The following PAPPA2 variants were observed in gnomAD, a reference collection of about 807,000 sequenced individuals.
PAPPA2 encodes the protein pappalysin-2.
In PAPPA2, 86 loss-of-function variants were observed where a neutral mutation model predicts 176.4. The ratio of observed to expected loss-of-function variants is 0.49; its 90% CI spans 0.41 to 0.58. The LOEUF (loss-of-function observed/expected upper bound fraction) is 0.58, where lower values mean the gene tolerates loss of function less well. Among genes scored for constraint, PAPPA2 ranks in the 20% least tolerant of loss-of-function variants. The pLI is 0.00. For missense variants in PAPPA2, 2,073 were observed against 2,256.9 expected (o/e 0.92, Z 1.65); for synonymous variants, 809 against 852.2 (o/e 0.95, Z 0.88).
intron 3 of PAPPA2, among the ~76,000 whole-genome samples, chr1:176,666,786 G>A (rs1421459897): frequency 1.3e-5 from 2 of 152,096 alleles, no homozygotes; most frequent in Non-Finnish European, 2.9e-5. Context: ...AATTACCCCT[G>A]GAGAGGAGAT....
chr1:176,575,967 T>C (rs1422483358), intron 2 of PAPPA2, among the ~76,000 whole-genome samples: 1 of 152,194 alleles, frequency 6.6e-6, no homozygotes, highest in African/African-American at 2.4e-5. Context: ...TCTTCTCAGG[T>C]GTGATTTTTT....
At chr1:176,766,573 GTTA>G (rs1359078975) in intron 15 of PAPPA2, among the ~76,000 whole-genome samples, 1 of 152,144 alleles carries the variant, frequency 6.6e-6, no homozygotes, top group African/African-American at 2.4e-5. Context: ...ATCTGATTGA[GTTA>G]TTATGATGGC....
intron 3 of PAPPA2, among the ~76,000 whole-genome samples, chr1:176,605,173 A>G (rs1327383434): frequency 2.0e-5 from 3 of 152,218 alleles, no homozygotes; most frequent in Non-Finnish European, 2.9e-5. Flanking sequence ...GCCAGGAAGT[A>G]TTAATAACAT....
At chr1:176,541,243 T>A (rs1325997212) in intron 1 of PAPPA2, among the ~76,000 whole-genome samples, 1 of 152,236 alleles carries the variant, frequency 6.6e-6, no homozygotes, top group African/African-American at 2.4e-5. Context: ...CATACAGAGA[T>A]GCAGTTAGAG....
intron 21 of PAPPA2, among the ~76,000 whole-genome samples, chr1:176,834,894 C>T (rs1667213593): frequency 6.6e-6 from 1 of 152,144 alleles, no homozygotes; most frequent in Non-Finnish European, 1.5e-5. Flanking sequence ...TCGCTTGAAC[C>T]TAAGAGACGG....
At chr1:176,625,424 T>C (rs536553847) in intron 3 of PAPPA2, among the ~76,000 whole-genome samples, 150 of 152,296 alleles carry the variant, frequency 9.8e-4, no homozygotes, top group Non-Finnish European at 1.5e-3. Flanking sequence ...TGGTGCCTAA[T>C]ACTCTGCCCG....
At chr1:176,530,688 C>G (rs531014511) in intron 1 of PAPPA2, among the ~76,000 whole-genome samples, 1 of 152,210 alleles carries the variant, frequency 6.6e-6, no homozygotes, top group Non-Finnish European at 1.5e-5. Flanking sequence ...GCAACATCCA[C>G]CAAATAGCTC....
intron 2 of PAPPA2, among the ~76,000 whole-genome samples, chr1:176,586,365 G>T (rs1342506829): frequency 6.6e-6 from 1 of 152,028 alleles, no homozygotes; most frequent in Admixed American, 6.6e-5. Context: ...TGCAGAATGT[G>T]CAGGTTTGTT....
At chr1:176,823,375 G>A (rs1666736253) in intron 21 of PAPPA2, among the ~76,000 whole-genome samples, 1 of 152,134 alleles carries the variant, frequency 6.6e-6, no homozygotes. Flanking sequence ...AATGACTCAA[G>A]GTTAAAGAGG....
intron 3 of PAPPA2, among the ~76,000 whole-genome samples, chr1:176,638,939 C>CGTGTGTGT (rs34264749): frequency 0.02 from 2,862 of 143,106 alleles, 45 homozygotes; most frequent in South Asian, 0.049. Context: ...TGTGCATGTG[C>CGTGTGTGT]GTGTGTGTGT....
intron 3 of PAPPA2, among the ~76,000 whole-genome samples, chr1:176,602,295 C>T (rs240104): frequency 0.18 from 27,046 of 152,116 alleles, 2,997 homozygotes; most frequent in Non-Finnish European, 0.24. Context: ...TTGCCCATGG[C>T]ACACTCCCCT....
intron 3 of PAPPA2, chr1:176,616,535 T>C: frequency 1.5e-6 from 2 of 1,303,778 alleles, no homozygotes; most frequent in Non-Finnish European, 2.2e-6. Flanking sequence ...TTACAAAATG[T>C]AACCAATCAG....
chr1:176,681,928 A>G (rs1002435462), intron 4 of PAPPA2, among the ~76,000 whole-genome samples: 9 of 152,140 alleles, frequency 5.9e-5, no homozygotes, highest in African/African-American at 2.2e-4. Context: ...AGTAGCTCTC[A>G]CAGGGTTGGT....
intron 1 of PAPPA2, among the ~76,000 whole-genome samples, chr1:176,489,776 C>T (rs1290502979): frequency 6.6e-6 from 1 of 152,164 alleles, no homozygotes; most frequent in African/African-American, 2.4e-5. Context: ...GTAATTTGAG[C>T]TTTATATTGA....
chr1:176,778,735 C>T (rs1353544658), intron 17 of PAPPA2, among the ~76,000 whole-genome samples: 1 of 152,174 alleles, frequency 6.6e-6, no homozygotes, highest in African/African-American at 2.4e-5. Flanking sequence ...AAAGAACACA[C>T]ATTAATCTCT....
At chr1:176,547,799 C>G (rs1221860862) in intron 1 of PAPPA2, among the ~76,000 whole-genome samples, 1 of 152,134 alleles carries the variant, frequency 6.6e-6, no homozygotes, top group Non-Finnish European at 1.5e-5. Flanking sequence ...GATAAAATAT[C>G]CCCTGGGAGG....
intron 20 of PAPPA2, among the ~76,000 whole-genome samples, chr1:176,796,588 T>TTC (rs1665435461): frequency 1.4e-5 from 2 of 140,546 alleles, no homozygotes; most frequent in South Asian, 2.4e-4. Flanking sequence ...TACTGTTTCT[T>TTC]TCTTTCTCTT....
At chr1:176,736,464 G>A (rs1038594229) in intron 12 of PAPPA2, among the ~76,000 whole-genome samples, 1 of 145,830 alleles carries the variant, frequency 6.9e-6, no homozygotes, top group Admixed American at 6.9e-5. Flanking sequence ...CCACAGCCAA[G>A]TCACAAATGT....
chr1:176,775,770 G>T (rs968885405), intron 17 of PAPPA2, among the ~76,000 whole-genome samples: 5 of 152,178 alleles, frequency 3.3e-5, no homozygotes, highest in African/African-American at 1.2e-4. Flanking sequence ...CACTGGTCTA[G>T]TCGAACTTTT....
Sources: allele counts gnomAD v4.1 joint callset (sites outside exome capture counted in the v4.1 genomes callset), GRCh38; gene constraint gnomAD v4.1.1; transcripts MANE v1.5; gene names NCBI Gene and HGNC (gene_info 2026-07-23, HGNC 2026-07-21).